The following SLC22A2 variants were observed in gnomAD, a reference collection of about 807,000 sequenced individuals.
SLC22A2 encodes solute carrier family 22 member 2, also known as organic cation transporter 2.
Under a neutral mutation model 60.5 loss-of-function variants are expected in SLC22A2, and 46 were observed. The ratio of observed to expected loss-of-function variants is 0.76; its 90% CI spans 0.60 to 0.97. The LOEUF (loss-of-function observed/expected upper bound fraction) is 0.97, where lower values mean the gene tolerates loss of function less well. Among genes scored for constraint, SLC22A2 ranks in the 50% least tolerant of loss-of-function variants. The probability of loss-of-function intolerance (pLI) is 0.00; values close to 1 mark genes in which losing one functional copy is unlikely to be tolerated. For missense variants in SLC22A2, 701 were observed against 706.6 expected (o/e 0.99, Z 0.09); for synonymous variants, 303 against 267.0 (o/e 1.13, Z -1.31).
intron 9 of SLC22A2, among the ~76,000 whole-genome samples, chr6:160,226,375 T>C (rs1369244433): frequency 6.6e-6 from 1 of 152,194 alleles, no homozygotes; most frequent in Non-Finnish European, 1.5e-5. Flanking sequence ...CTGTGTGAAT[T>C]ACTCATTCTC....
intron 10 of SLC22A2, among the ~76,000 whole-genome samples, chr6:160,223,337 T>G (rs1782672104): frequency 1.3e-5 from 2 of 152,174 alleles, no homozygotes. Context: ...GTCACTCAAT[T>G]CCATAGACAA....
At position 160,243,036 on chromosome 6, in the gene SLC22A2, A is replaced by C. The variant is rs201738087; in HGVS notation, c.1279+536T>G. On this transcript the variant is annotated intron_variant, in intron 7 of 10. Coordinates refer to ENST00000366953, the MANE Select transcript of SLC22A2 (RefSeq NM_003058.4). ...CAAAGAAAGAGCAAAATATGGGCAC[A>C]TTTAAACAACTGCTAATAACAAAAG... Among the ~76,000 whole-genome samples the C allele has an allele frequency of 2.6e-5, 4 of 152,332 alleles. No homozygotes were observed. In the East Asian group the frequency reaches 7.7e-4, roughly 29 times the overall value.
At chr6:160,249,514 A>C (rs770795567) in intron 3 of SLC22A2, 130 bp from the exon 4 acceptor site, 38 of 710,554 alleles carry the variant, frequency 5.3e-5, no homozygotes, top group Non-Finnish European at 8.3e-5. Flanking sequence ...AACTCTCTGA[A>C]TATTTTTAAG....
At chr6:160,235,427 G>A (rs1012111773) in intron 9 of SLC22A2, among the ~76,000 whole-genome samples, 2 of 94,288 alleles carry the variant, frequency 2.1e-5, no homozygotes, top group Non-Finnish European at 4.5e-5. Flanking sequence ...TATAGGAAAT[G>A]GGCTGATTTC....
At chr6:160,242,156 G>A (rs561608073) in intron 8 of SLC22A2, 138 bp downstream of exon 8, 42 of 667,618 alleles carry the variant, frequency 6.3e-5, no homozygotes, top group Non-Finnish European at 9.2e-5. Flanking sequence ...TGCTGGGCCT[G>A]GCTGGACCTT....
At chr6:160,243,093 A>G (rs1783036412) in intron 7 of SLC22A2, among the ~76,000 whole-genome samples, 1 of 152,220 alleles carries the variant, frequency 6.6e-6, no homozygotes, top group South Asian at 2.1e-4. Flanking sequence ...TGCTAAAAGG[A>G]TTCTCTTATC....
intron 2 of SLC22A2, among the ~76,000 whole-genome samples, chr6:160,254,908 A>G (rs1783243593): frequency 6.6e-6 from 1 of 152,210 alleles, no homozygotes; most frequent in Non-Finnish European, 1.5e-5. Context: ...ATAATTAACT[A>G]ATTTCTTAAC....
chr6:160,250,477 G>T, intron 3 of SLC22A2, 71 bp downstream of exon 3: 1 of 1,466,588 alleles, frequency 6.8e-7, no homozygotes, highest in Non-Finnish European at 9.6e-7. Context: ...CTTGCATGCC[G>T]CCCCCCACCT....
intron 9 of SLC22A2, among the ~76,000 whole-genome samples, chr6:160,232,068 A>C (rs2114856084): frequency 6.6e-6 from 1 of 151,830 alleles, no homozygotes; most frequent in South Asian, 2.1e-4. Flanking sequence ...AGTTCTCATA[A>C]TTTCCAAAAT....
At chr6:160,258,062 T>G in intron 1 of SLC22A2, 1 of 385,146 alleles carries the variant, frequency 2.6e-6, no homozygotes. Context: ...TTGGCAACAT[T>G]TCCAGGAGTC....
intron 9 of SLC22A2, among the ~76,000 whole-genome samples, chr6:160,230,334 TTTTC>T (rs1358479216): frequency 2.6e-5 from 4 of 151,924 alleles, no homozygotes; most frequent in African/African-American, 9.7e-5. Context: ...TAATGTTCCT[TTTTC>T]TTTATCTGAC....
intron 6 of SLC22A2, chr6:160,244,479 ACTACTTAATTCAAATTTT>A (rs1783060550): frequency 6.6e-6 from 1 of 152,176 alleles, no homozygotes; most frequent in African/African-American, 2.4e-5. Context: ...GAAAGAACTG[ACTACTTAATTCAAATTTT>A]AGGAAACCAG....
At position 160,241,481 on chromosome 6, in the gene SLC22A2, C is replaced by T; in HGVS notation, c.1494G>A (p.Met498Ile). ...TCTGTGAAGATTTCTTACCGAAAAC[C>T]ATCAGCGGGAGCTCAAGCCAGATGT... ...LTNIWLELPL[M>I]VFGVLGLVAG... is the part of the protein sequence containing the mutation. The change falls in exon 9 of 11, where the codon ATG becomes ATA. Residue 498 changes from methionine to isoleucine, a missense_variant. Coordinates refer to ENST00000366953, the MANE Select transcript of SLC22A2 (RefSeq NM_003058.4). 1 of 1,609,568 alleles carries T rather than the reference C, an allele frequency of 6.2e-7. No homozygotes were observed. The highest frequency in any genetic ancestry group is 8.5e-7 in the Non-Finnish European group (1 of 1,176,154).
Position 160,247,276 on chromosome 6 carries a change from A to T in SLC22A2, c.865T>A (p.Trp289Arg). 1 of 1,610,438 alleles carries T rather than the reference A, an allele frequency of 6.2e-7. No individual in the cohort carries two copies. Among genetic ancestry groups the T allele is most frequent in the Non-Finnish European group, 8.5e-7 (1 of 1,176,638 alleles). Residue 289 changes from tryptophan to arginine, a missense_variant, in exon 5 of 11, where the codon TGG becomes AGG. Transcript: ENST00000366953. ...YYWCIPESPR[W>R]LISQNKNAEA... The stretch of plus-strand genomic sequence containing the variant: ...GCATTCTTATTCTGGGAGATCAGCC[A>T]CCTGGGAGACTCAGGTATGCACCTA...
At chr6:160,238,001 T>A (rs1019879421) in intron 9 of SLC22A2, among the ~76,000 whole-genome samples, 1 of 152,206 alleles carries the variant, frequency 6.6e-6, no homozygotes, top group African/African-American at 2.4e-5. Context: ...TCATAAATAA[T>A]CTACACTTTG....
At position 160,241,449 on chromosome 6, in the gene SLC22A2, A is replaced by G. The variant is rs8177519; in HGVS notation, c.1501+25T>C. The G allele has an allele frequency of 7.9e-5, 117 of 1,477,490 alleles. No individual in the cohort carries two copies. The African/African-American group carries it at 1.5e-3, about 19-fold the overall frequency. 91.5% of individuals were successfully genotyped at this position (1,477,490 alleles called of 1,614,324 possible). ...TCTCTAGAAAAATAAGTTTTCACTT[A>G]AAGACATCTGTGAAGATTTCTTACC... is the stretch of plus-strand genomic sequence containing the variant. On this transcript the variant is annotated intron_variant, in intron 9 of 10. Coordinates refer to ENST00000366953, the MANE Select transcript of SLC22A2 (RefSeq NM_003058.4).
At chr6:160,224,452 C>G (rs1011905299) in intron 10 of SLC22A2, among the ~76,000 whole-genome samples, 2 of 151,918 alleles carry the variant, frequency 1.3e-5, no homozygotes, top group African/African-American at 2.4e-5. Context: ...ACATATTGAC[C>G]TTTCTTCTAT....
chr6:160,241,568 GA>G lies in SLC22A2; in HGVS notation c.1406del (p.Ile469ThrfsTer29). 1 of 1,612,316 alleles carries G rather than the reference GA, an allele frequency of 6.2e-7. No individual in the cohort carries two copies. The highest frequency in any genetic ancestry group is 8.5e-7 in the Non-Finnish European group (1 of 1,178,458). ...PTFIRNLGVH[I>X]CSSMCDIGGI... ...CACCAATGTCACACATTGAGGAACA[GA>G]TGTGGACGCCAAGATTCCTAGAATG... is the stretch of plus-strand genomic sequence containing the variant. On this transcript the variant is annotated frameshift_variant, in exon 9 of 11. Transcript: ENST00000366953. LOFTEE classifies it high-confidence loss of function.
At chr6:160,230,195 T>C (rs1782795556) in intron 9 of SLC22A2, among the ~76,000 whole-genome samples, 2 of 151,792 alleles carry the variant, frequency 1.3e-5, no homozygotes, top group Non-Finnish European at 2.9e-5. Flanking sequence ...CCTGACCCTA[T>C]AATTCTTTTT....
Sources: gnomAD v4.1 joint callset for allele counts (sites outside exome capture counted in the v4.1 genomes callset) on GRCh38, gnomAD v4.1.1 for gene constraint, MANE v1.5 for transcripts, NCBI Gene and HGNC (gene_info 2026-07-23, HGNC 2026-07-21) for gene names.